Variants in SEMA4C observed in about 807,000 individuals in gnomAD.
The protein encoded by SEMA4C is semaphorin-4C.
SEMA4C carries 19 observed loss-of-function variants against 89.0 expected under a neutral mutation model. The observed-to-expected ratio is 0.21, with a 90% CI of 0.15 to 0.31. The LOEUF (loss-of-function observed/expected upper bound fraction) is 0.31. SEMA4C is among the 10% of genes least tolerant of loss of function. The pLI, the probability that SEMA4C is intolerant of heterozygous loss-of-function variation, is 1.00. For missense variants in SEMA4C, 811 were observed against 1,107.0 expected (o/e 0.73, Z 3.79); for synonymous variants, 428 against 472.7 (o/e 0.91, Z 1.23).
rs2079960275 is a variant in SEMA4C, at chr2:96,862,084, T to G, written c.1444-190A>C. The G allele has an allele frequency of 1.6e-5, 10 of 632,326 alleles. No homozygotes were observed. In the South Asian group the frequency reaches 2.0e-4, roughly 13 times the overall value. The allele number at this position is 632,326 out of a possible 1,614,324, so 39.2% of individuals were successfully genotyped here. A position where few individuals can be genotyped will look rare whatever the true frequency, so the allele number is the denominator to read the frequency against. On this transcript the variant is annotated intron_variant, in intron 12 of 14. Coordinates refer to ENST00000305476, the MANE Select transcript of SEMA4C (RefSeq NM_017789.5). ...AAGGGAACTCTAAGAACCGCAGAAC[T>G]CAGAGGGCTTACACAGGCCAGATGC...
chr2:96,867,979 G>C, intron 1 of SEMA4C, 56 bp from the exon 2 acceptor site: 1 of 1,592,966 alleles, frequency 6.3e-7, no homozygotes, highest in Non-Finnish European at 8.5e-7. Context: ...AAACCAGAGG[G>C]GCCCGCAGCA....
upstream of SEMA4C, chr2:96,870,443 C>A: frequency 1.1e-6 from 1 of 901,554 alleles, no homozygotes; most frequent in Non-Finnish European, 1.3e-6. Flanking sequence ...GACTCCCGAC[C>A]GTGCAGTTGC....
rs2079900576 is a variant in SEMA4C at position 96,859,811 on chromosome 2, C to CTT, written c.*814_*815insAA. ...TACAACAAATAAATACGCGGGGACA[C>CTT]AATAAGTTACACTGTTAGGAGCCCT... On this transcript the variant is annotated 3_prime_UTR_variant, in exon 15 of 15. Coordinates refer to ENST00000305476, the MANE Select transcript of SEMA4C (RefSeq NM_017789.5). 2 of 152,242 alleles carry CTT rather than the reference C, an allele frequency of 1.3e-5. No individual in the cohort carries two copies. The highest frequency in any genetic ancestry group is 1.3e-4 in the Admixed American group (2 of 15,282). The allele number at this position is 152,242 out of a possible 1,614,324, so 9.4% of individuals were successfully genotyped here.
At chr2:96,869,566 G>A (rs62152867) in intron 1 of SEMA4C, 281,150 of 985,092 alleles carry the variant, frequency 0.29, 44,111 homozygotes, top group South Asian at 0.72. Flanking sequence ...TGGGAGCGCC[G>A]AGGGCAGTCC....
chr2:96,868,368 G>A (rs1408094155), intron 1 of SEMA4C: 3 of 963,870 alleles, frequency 3.1e-6, no homozygotes, highest in Non-Finnish European at 2.5e-6. Flanking sequence ...TTAGGGCGAC[G>A]AGGGCATGCG....
Position 96,861,225 on chromosome 2 carries a change from G to A in SEMA4C, c.1903C>T (p.Arg635Trp), listed in dbSNP as rs746475631. Residue 635 changes from arginine to tryptophan, a missense_variant, in exon 15 of 15, where the codon CGG becomes TGG. Around this residue, in one of 4 missense-constraint regions of SEMA4C, gnomAD observed 248 missense variants for 269.0 expected, o/e 0.92. Coordinates refer to ENST00000305476, the MANE Select transcript of SEMA4C (RefSeq NM_017789.5). The surrounding 1 kb of genome is among the most constrained non-coding windows in gnomAD (Gnocchi z 7.8). ...YHCFSEEQGARLAAEGYLVAV... is the reference protein window; with the variant it reads ...YHCFSEEQGAWLAAEGYLVAV... ...ACAAGGTAGCCTTCAGCAGCCAGCC[G>A]CGCCCCCTGCTCCTCTGAAAAGCAG... is the stretch of plus-strand genomic sequence containing the variant. The A allele has an allele frequency of 5.1e-5, 82 of 1,610,396 alleles. No homozygotes were observed. In the Admixed American group the frequency reaches 1.1e-3, roughly 22 times the overall value.
chr2:96,870,236 C>G, upstream of SEMA4C: 2 of 985,412 alleles, frequency 2.0e-6, no homozygotes, highest in Non-Finnish European at 1.2e-6. Context: ...CTCGGACCTC[C>G]GCCTCTCTGG....
At position 96,861,686 on chromosome 2, in the gene SEMA4C, C is replaced by G. The variant is rs771851847; in HGVS notation, c.1602-37G>C. The G allele has an allele frequency of 6.3e-7, 1 of 1,598,348 alleles. No homozygotes were observed. The highest frequency in any genetic ancestry group is 8.5e-7 in the Non-Finnish European group (1 of 1,169,654). ...TGTAGGGTACATCAGCAGCCTGGCTCCAACCACCCTGAGTCCCTGGAGGTC... is the reference window on the plus strand; with the variant it reads ...TGTAGGGTACATCAGCAGCCTGGCTGCAACCACCCTGAGTCCCTGGAGGTC... On this transcript the variant is annotated intron_variant, in intron 13 of 14. Transcript: ENST00000305476. The surrounding 1 kb of genome is among the most constrained non-coding windows in gnomAD (Gnocchi z 7.8).
chr2:96,870,383 C>G, upstream of SEMA4C: 1 of 845,326 alleles, frequency 1.2e-6, no homozygotes, highest in Non-Finnish European at 1.4e-6. Flanking sequence ...CTCACCCGAT[C>G]TTTCTGAAGT....
chr2:96,870,664 G>C (rs1404218487), upstream of SEMA4C: 1 of 985,426 alleles, frequency 1.0e-6, no homozygotes, highest in Non-Finnish European at 1.2e-6. Flanking sequence ...GAAAGGGCCT[G>C]CTCCTGCTTC....
rs2153366210 is a variant in SEMA4C, at chr2:96,869,981, C to G, written c.-143G>C. 3.0e-6 allele frequency: 3 copies of G among 986,408 alleles called. No individual in the cohort carries two copies. In the South Asian group the frequency reaches 1.4e-4, roughly 45 times the overall value. 61.1% of individuals were successfully genotyped at this position (986,408 alleles called of 1,614,324 possible). On this transcript the variant is annotated 5_prime_UTR_variant, in exon 1 of 15. Transcript: ENST00000305476. The stretch of plus-strand genomic sequence containing the variant: ...GCCTGCCCGCGCTCGCCCGCCAGCC[C>G]TCCGCGGCCTCTCTGCCACCGCCCC...
chr2:96,870,034 A>C lies in SEMA4C; in HGVS notation c.-196T>G. The C allele has an allele frequency of 1.0e-6, 1 of 981,122 alleles. No homozygotes were observed. The highest frequency in any genetic ancestry group is 1.2e-4 in the East Asian group (1 of 8,650). The allele number at this position is 981,122 out of a possible 1,614,324, so 60.8% of individuals were successfully genotyped here. ...CGTCCCCGCCCGGCTCCGCGCCCCT[A>C]GGCTCGGGCTCCCCGCGCCACCACG... is the stretch of plus-strand genomic sequence containing the variant. On this transcript the variant is annotated 5_prime_UTR_variant, in exon 1 of 15. Coordinates refer to ENST00000305476, the MANE Select transcript of SEMA4C (RefSeq NM_017789.5).
At position 96,864,907 on chromosome 2, in the gene SEMA4C, G is replaced by T; in HGVS notation, c.787-27C>A. Reference sequence around the variant, plus strand: ...TGGCAGACGGCAAGGGGACACTGCCGGTCAGCCCCGCTGGGCCAGCAGGGC... The same window carrying T: ...TGGCAGACGGCAAGGGGACACTGCCTGTCAGCCCCGCTGGGCCAGCAGGGC... On this transcript the variant is annotated intron_variant, in intron 8 of 14. Coordinates refer to ENST00000305476, the MANE Select transcript of SEMA4C (RefSeq NM_017789.5). This position sits in a 1 kb window ranked among gnomAD's most constrained non-coding sequence, Gnocchi z 6.3. The T allele has an allele frequency of 3.7e-6, 6 of 1,611,408 alleles. No homozygotes were observed. Among genetic ancestry groups the T allele is most frequent in the Non-Finnish European group, 5.1e-6 (6 of 1,178,812 alleles).
At chr2:96,869,839 C>A in intron 1 of SEMA4C, 37 bp downstream of exon 1, 1 of 985,440 alleles carries the variant, frequency 1.0e-6, no homozygotes, top group Non-Finnish European at 1.2e-6. Flanking sequence ...TCCGGGGCCC[C>A]GCGGCTCCAG....
At chr2:96,870,125 G>T (rs2080172444), upstream of SEMA4C, 3 of 959,922 alleles carry the variant, frequency 3.1e-6, no homozygotes, top group Non-Finnish European at 3.7e-6. Context: ...ACGTCAGGCT[G>T]GGGGGGTCGA....
rs777492117 is a variant in SEMA4C at position 96,861,145 on chromosome 2, G to A, written c.1983C>T (p.Asn661=). The A allele has an allele frequency of 6.2e-7, 1 of 1,611,270 alleles. No homozygotes were observed. Among genetic ancestry groups the A allele is most frequent in the East Asian group, 2.2e-5 (1 of 44,858 alleles). The change falls in exon 15 of 15, where the codon AAC becomes AAT. Residue 661 remains asparagine, a synonymous_variant. Coordinates refer to ENST00000305476, the MANE Select transcript of SEMA4C (RefSeq NM_017789.5). The surrounding 1 kb of genome is among the most constrained non-coding windows in gnomAD (Gnocchi z 7.8). ...CCACCGCCAGCCACACCAGCCCCAGGTTTTCCAGGGGGGCCCGGGCCTCCA... is the reference window on the plus strand; with the variant it reads ...CCACCGCCAGCCACACCAGCCCCAGATTTTCCAGGGGGGCCCGGGCCTCCA... ...VTLEARAPLE[N]LGLVWLAVVA... is the part of the protein sequence containing the mutation.
In SEMA4C at chr2:96,864,102, T is replaced by C; in HGVS notation, c.1154A>G (p.Glu385Gly). ...GAAGTTGAGGATGTTGTCGGGTAGC[T>C]CCAGGGAGCTGGTGTAGCCGTGGCG... ...HRRHGYTSSL[E>G]LPDNILNFVK... The change falls in exon 11 of 15, where the codon GAG (glutamate) becomes GGG (glycine). Residue 385 changes from glutamate to glycine, a missense_variant. By Grantham distance (98) the Glu-to-Gly change is moderately conservative. Transcript: ENST00000305476. This position sits in a 1 kb window ranked among gnomAD's most constrained non-coding sequence, Gnocchi z 6.3. 6.2e-7 allele frequency: 1 copy of C among 1,612,386 alleles called. No homozygotes were observed. Among genetic ancestry groups the C allele is most frequent in the Non-Finnish European group, 8.5e-7 (1 of 1,179,858 alleles).
Position 96,860,578 on chromosome 2 carries a change from T to C in SEMA4C, c.*48A>G. 1 of 1,517,398 alleles carries C rather than the reference T, an allele frequency of 6.6e-7. No homozygotes were observed. The highest frequency in any genetic ancestry group is 2.3e-5 in the East Asian group (1 of 44,170). 94.0% of individuals were successfully genotyped at this position (1,517,398 alleles called of 1,614,324 possible). On this transcript the variant is annotated 3_prime_UTR_variant, in exon 15 of 15. Coordinates refer to ENST00000305476, the MANE Select transcript of SEMA4C (RefSeq NM_017789.5). ...GAGGTAGCTGGTGCCTGTGCAAAAG[T>C]AGGAGCTACACCTCCCACGCTTCCC...
chr2:96,862,503 T>G (rs1315183624), intron 12 of SEMA4C: 1 of 152,356 alleles, frequency 6.6e-6, no homozygotes, highest in Admixed American at 6.5e-5. Flanking sequence ...GCAAATCACT[T>G]GAGGTTAGGA....
Sources: allele counts gnomAD v4.1 joint callset, GRCh38; gene constraint gnomAD v4.1.1; regional missense constraint gnomAD v4.1.1; non-coding constraint Gnocchi (gnomAD v3.1); transcripts MANE v1.5; gene names NCBI Gene and HGNC (gene_info 2026-07-23, HGNC 2026-07-21).